The following UBE2U variants were observed in gnomAD, a reference collection of about 807,000 sequenced individuals.
UBE2U encodes ubiquitin conjugating enzyme E2 U.
Under a neutral mutation model 41.2 loss-of-function variants are expected in UBE2U, and 39 were observed. The observed-to-expected ratio is 0.95, with a 90% confidence interval of 0.73 to 1.24. The LOEUF (loss-of-function observed/expected upper bound fraction) is 1.24. Ranked by LOEUF, UBE2U falls within the 50% of genes most tolerant of loss-of-function variation. The pLI, the probability that UBE2U is intolerant of heterozygous loss-of-function variation, is 0.00. For synonymous variants in UBE2U, 107 were observed against 117.8 expected, an observed-to-expected ratio of 0.91 and a Z score of 0.60; for missense variants, 336 against 363.1, an observed-to-expected ratio of 0.93 and a Z score of 0.61.
At chr1:64,248,508 G>T (rs1644957097) in intron 8 of UBE2U, among the ~76,000 whole-genome samples, 1 of 151,420 alleles carries the variant, frequency 6.6e-6, no homozygotes, top group Non-Finnish European at 1.5e-5. Flanking sequence ...ACAATTTGTG[G>T]TGCCCCAATC....
intron 3 of UBE2U, among the ~76,000 whole-genome samples, chr1:64,209,036 G>A (rs1350665160): frequency 6.6e-6 from 1 of 152,216 alleles, no homozygotes; most frequent in East Asian, 1.9e-4. Flanking sequence ...GTCTTGAATA[G>A]TAGAATTAGT....
At chr1:64,237,807 A>G (rs72667254) in intron 7 of UBE2U, among the ~76,000 whole-genome samples, 1 of 152,210 alleles carries the variant, frequency 6.6e-6, no homozygotes, top group African/African-American at 2.4e-5. Flanking sequence ...TAATAGGACT[A>G]TTCAGGAAAG....
Position 64,205,669 on chromosome 1 carries a change from A to G in UBE2U, c.97A>G (p.Met33Val), listed in dbSNP as rs1043059994. ...CACTGCTAAGCCTGTAAGTGAAGAT[A>G]TGATGGAATGGGAAGTTGAAATTGA... Reference protein sequence around the residue: ...GITAKPVSEDMMEWEVEIEGL... With the variant: ...GITAKPVSEDVMEWEVEIEGL... Residue 33 changes from methionine to valine, a missense_variant, in exon 2 of 10, where the codon ATG becomes GTG. By Grantham distance (21) the Met-to-Val change is conservative. Transcript: ENST00000371077. 2 of 1,613,244 alleles carry G rather than the reference A, an allele frequency of 1.2e-6. No homozygotes were observed.
chr1:64,242,557 A>G (rs1346709904), intron 8 of UBE2U, among the ~76,000 whole-genome samples: 1 of 152,190 alleles, frequency 6.6e-6, no homozygotes, highest in Non-Finnish European at 1.5e-5. Context: ...AACGTGCTGT[A>G]TTTTGAATTT....
At chr1:64,246,280 T>G (rs1053688823) in intron 8 of UBE2U, among the ~76,000 whole-genome samples, 2 of 152,166 alleles carry the variant, frequency 1.3e-5, no homozygotes, top group Admixed American at 6.6e-5. Flanking sequence ...ATTTCTTTGG[T>G]GTCTGATTTT....
At chr1:64,218,841 ATCTTT>A (rs1407691688) in intron 5 of UBE2U, among the ~76,000 whole-genome samples, 1 of 152,172 alleles carries the variant, frequency 6.6e-6, no homozygotes, top group African/African-American at 2.4e-5. Context: ...TGTGTGTACT[ATCTTT>A]TCTTCTTCTA....
chr1:64,234,713 TATTG>T (rs949228283), intron 7 of UBE2U, among the ~76,000 whole-genome samples: 6 of 152,162 alleles, frequency 3.9e-5, no homozygotes, highest in African/African-American at 1.4e-4. Context: ...CAGTATAAAA[TATTG>T]ATTATTTTTG....
At chr1:64,231,021 G>A (rs1179101066) in intron 6 of UBE2U, among the ~76,000 whole-genome samples, 2 of 152,036 alleles carry the variant, frequency 1.3e-5, no homozygotes, top group African/African-American at 4.8e-5. Context: ...TTAAGGGGCT[G>A]TTTCCTTTAT....
In UBE2U at chr1:64,204,065, T is replaced by TTAC. The variant is rs781706489; in HGVS notation, c.16_18dup (p.Tyr6dup). 1 of 1,613,964 alleles carries TTAC rather than the reference T, an allele frequency of 6.2e-7. No individual in the cohort carries two copies. Among genetic ancestry groups the TTAC allele is most frequent in the South Asian group, 1.1e-5 (1 of 91,014 alleles). On this transcript the variant is annotated inframe_insertion, in exon 1 of 10. Coordinates refer to ENST00000371077, the MANE Select transcript of UBE2U (RefSeq NM_001366232.2). ...CGCTGCCTATCATGCACGGCAGAGC[T>TTAC]TACCTCTTGCTGCACAGAGACTTCT...
intron 7 of UBE2U, among the ~76,000 whole-genome samples, chr1:64,241,146 T>C (rs140526307): frequency 2.6e-4 from 39 of 152,322 alleles, no homozygotes; most frequent in South Asian, 1.7e-3. Flanking sequence ...ACTTTCCTTG[T>C]AAGGGTTAAA....
chr1:64,254,453 A>G (rs144872611), intron 8 of UBE2U, among the ~76,000 whole-genome samples: 4 of 152,322 alleles, frequency 2.6e-5, no homozygotes, highest in Admixed American at 2.0e-4. Context: ...ACAACAAAAT[A>G]TACATTGTTC....
intron 7 of UBE2U, 100 bp downstream of exon 7, chr1:64,232,749 A>G (rs1225253645): frequency 3.6e-6 from 3 of 836,848 alleles, no homozygotes; most frequent in African/African-American, 1.7e-5. Flanking sequence ...CTGCTATGTA[A>G]GAGTGATAAA....
At chr1:64,240,917 A>G (rs1245749893) in intron 7 of UBE2U, among the ~76,000 whole-genome samples, 1 of 151,974 alleles carries the variant, frequency 6.6e-6, no homozygotes, top group Non-Finnish European at 1.5e-5. Flanking sequence ...TTTAGTGGAG[A>G]TGGGGTTTCA....
intron 5 of UBE2U, among the ~76,000 whole-genome samples, chr1:64,216,404 A>G (rs1461854672): frequency 1.3e-5 from 2 of 152,240 alleles, no homozygotes; most frequent in Non-Finnish European, 2.9e-5. Flanking sequence ...ATATTTAGCC[A>G]ACAGAAGAAA....
intron 3 of UBE2U, among the ~76,000 whole-genome samples, chr1:64,208,448 T>TA (rs1480893764): frequency 6.7e-6 from 1 of 149,802 alleles, no homozygotes; most frequent in Non-Finnish European, 1.5e-5. Context: ...CTACAGAAAA[T>TA]AAAAAAATTA....
chr1:64,239,986 A>G (rs974354054), intron 7 of UBE2U, among the ~76,000 whole-genome samples: 24 of 152,198 alleles, frequency 1.6e-4, no homozygotes, highest in African/African-American at 5.3e-4. Context: ...AGTCCCACCA[A>G]CAGTGTAAAA....
chr1:64,261,798 G>C (rs1645184168), intron 9 of UBE2U, among the ~76,000 whole-genome samples: 1 of 152,210 alleles, frequency 6.6e-6, no homozygotes, highest in Non-Finnish European at 1.5e-5. Flanking sequence ...ACCAGTGGAA[G>C]AGATCAGTTG....
chr1:64,220,241 GGAGAGAGA>G (rs3074174), intron 5 of UBE2U, among the ~76,000 whole-genome samples: 5 of 149,106 alleles, frequency 3.4e-5, no homozygotes, highest in African/African-American at 1.2e-4. Context: ...CCAGGCTTGT[GGAGAGAGA>G]GAGAGAGAGA....
intron 9 of UBE2U, among the ~76,000 whole-genome samples, chr1:64,264,335 C>T (rs1159501355): frequency 6.6e-6 from 1 of 152,182 alleles, no homozygotes; most frequent in African/African-American, 2.4e-5. Flanking sequence ...ATTTTGTTAA[C>T]ATAGTAACAA....
Sources: gnomAD v4.1 joint callset for allele counts (sites outside exome capture counted in the v4.1 genomes callset) on GRCh38, gnomAD v4.1.1 for gene constraint, MANE v1.5 for transcripts, NCBI Gene and HGNC (gene_info 2026-07-23, HGNC 2026-07-21) for gene names.